Variants in RNF214 observed in about 807,000 individuals in gnomAD.
RNF214 encodes the protein ring finger protein 214.
In RNF214, 25 loss-of-function variants were observed where a neutral mutation model predicts 75.9. That is an observed-to-expected ratio of 0.33 (90% confidence interval 0.24 to 0.46). The LOEUF (loss-of-function observed/expected upper bound fraction) is 0.46. RNF214 is among the 20% of genes least tolerant of loss of function. The pLI, the probability that RNF214 is intolerant of heterozygous loss-of-function variation, is 1.00. For synonymous variants in RNF214, 314 were observed against 308.8 expected (o/e 1.02, Z -0.18); for missense variants, 725 against 857.5 (o/e 0.85, Z 1.93).
chr11:117,255,514 C>G (rs1442174862), intron 6 of RNF214, among the ~76,000 whole-genome samples: 1 of 151,744 alleles, frequency 6.6e-6, no homozygotes, highest in Non-Finnish European at 1.5e-5. Flanking sequence ...TGTTTTTATT[C>G]TTTAATTTTT....
intron 6 of RNF214, among the ~76,000 whole-genome samples, chr11:117,253,334 G>A (rs73010424): frequency 0.014 from 2,208 of 152,318 alleles, 28 homozygotes; most frequent in Middle Eastern, 0.054. Flanking sequence ...ATTTACCAAA[G>A]TGTAAAAGAT....
At chr11:117,248,481 A>T (rs2033287680) in intron 6 of RNF214, among the ~76,000 whole-genome samples, 1 of 152,198 alleles carries the variant, frequency 6.6e-6, no homozygotes, top group Non-Finnish European at 1.5e-5. Flanking sequence ...TTATCAAAAA[A>T]ATTTTGGCTT....
chr11:117,277,114 T>G (rs2034029774), intron 6 of RNF214, among the ~76,000 whole-genome samples: 1 of 151,962 alleles, frequency 6.6e-6, no homozygotes, highest in Non-Finnish European at 1.5e-5. Flanking sequence ...AGGCTGAGGC[T>G]GGTGGATCAC....
chr11:117,279,777 T>C (rs1281735775), intron 6 of RNF214, 131 bp from the exon 7 acceptor site: 3 of 587,426 alleles, frequency 5.1e-6, no homozygotes, highest in African/African-American at 1.9e-5. Context: ...AAAATAAGTA[T>C]AGTTAATACT....
chr11:117,250,454 A>G (rs1052087386), intron 6 of RNF214, among the ~76,000 whole-genome samples: 2 of 152,086 alleles, frequency 1.3e-5, no homozygotes, highest in African/African-American at 4.8e-5. Context: ...ACATTGTTTC[A>G]TTATGTAGAA....
At chr11:117,246,709 C>A in intron 5 of RNF214, 100 bp from the exon 6 acceptor site, 2 of 1,203,534 alleles carry the variant, frequency 1.7e-6, no homozygotes, top group South Asian at 4.5e-5. Context: ...TCACTAAAGT[C>A]AATACGTGAA....
At chr11:117,259,190 CAAGTGAGCTGCCTGCCTCGGCCTCCCA>C (rs1000065414) in intron 6 of RNF214, among the ~76,000 whole-genome samples, 2 of 152,180 alleles carry the variant, frequency 1.3e-5, no homozygotes, top group African/African-American at 4.8e-5. Flanking sequence ...CTCCTGACCT[CAAGTGAGCTGCCTGCCTCGGCCTCCCA>C]AAGTGCTGGG....
At chr11:117,267,964 G>C (rs1473138197) in intron 6 of RNF214, among the ~76,000 whole-genome samples, 1 of 152,156 alleles carries the variant, frequency 6.6e-6, no homozygotes, top group Non-Finnish European at 1.5e-5. Flanking sequence ...CATTAAATCA[G>C]ATGTGATGCA....
chr11:117,251,482 C>G (rs2033389216), intron 6 of RNF214, among the ~76,000 whole-genome samples: 12 of 93,906 alleles, frequency 1.3e-4, no homozygotes, highest in Admixed American at 3.1e-4. Flanking sequence ...GGGGGGCTGA[C>G]CCCCCCACCT....
At chr11:117,235,005 C>T (rs917451298) in intron 2 of RNF214, among the ~76,000 whole-genome samples, 1 of 152,130 alleles carries the variant, frequency 6.6e-6, no homozygotes, top group Non-Finnish European at 1.5e-5. Context: ...GTAGTATTTG[C>T]ATATAACCTA....
rs1399118120 is a variant in RNF214, at chr11:117,285,196, G to T, written c.*45G>T. Reference sequence around the variant, plus strand: ...AGAAGAAGAGAAACTGATGTGAACAGGAAGCGCGGGTTCAAGATTTCTAAA... The same window carrying T: ...AGAAGAAGAGAAACTGATGTGAACATGAAGCGCGGGTTCAAGATTTCTAAA... On this transcript the variant is annotated 3_prime_UTR_variant, in exon 15 of 15. Transcript: ENST00000300650. The T allele has an allele frequency of 7.6e-7, 1 of 1,309,994 alleles. No individual in the cohort carries two copies. Among genetic ancestry groups the T allele is most frequent in the Non-Finnish European group, 1.1e-6 (1 of 904,208 alleles). The allele number at this position is 1,309,994 out of a possible 1,614,324, so 81.1% of individuals were successfully genotyped here.
At chr11:117,258,391 G>A (rs1177229884) in intron 6 of RNF214, among the ~76,000 whole-genome samples, 2 of 151,970 alleles carry the variant, frequency 1.3e-5, no homozygotes, top group African/African-American at 4.8e-5. Context: ...TCGTTGAGAG[G>A]AGACACCACA....
chr11:117,262,177 C>T (rs1365011473), intron 6 of RNF214, among the ~76,000 whole-genome samples: 1 of 151,688 alleles, frequency 6.6e-6, no homozygotes, highest in Non-Finnish European at 1.5e-5. Flanking sequence ...AGCTCCGCCT[C>T]CCGGGTTCAC....
chr11:117,233,590 C>G (rs1439084475), intron 1 of RNF214, among the ~76,000 whole-genome samples: 1 of 152,206 alleles, frequency 6.6e-6, no homozygotes, highest in African/African-American at 2.4e-5. Flanking sequence ...GGCGTCCGTC[C>G]CAGTTCCCTT....
At chr11:117,258,131 G>A (rs752257402) in intron 6 of RNF214, among the ~76,000 whole-genome samples, 1 of 151,380 alleles carries the variant, frequency 6.6e-6, no homozygotes, top group Non-Finnish European at 1.5e-5. Context: ...CTGTCGCCAG[G>A]CTGGAGCGCT....
intron 4 of RNF214, among the ~76,000 whole-genome samples, chr11:117,244,156 A>G (rs1355497276): frequency 6.6e-6 from 1 of 151,484 alleles, no homozygotes; most frequent in Non-Finnish European, 1.5e-5. Flanking sequence ...TAATTTTTGT[A>G]TTTTTTTAGA....
chr11:117,236,790 A>T (rs1343879178), intron 2 of RNF214, among the ~76,000 whole-genome samples: 1 of 152,228 alleles, frequency 6.6e-6, no homozygotes. Context: ...GATAAATAAA[A>T]TCAACTTCAT....
chr11:117,282,049 C>G lies in RNF214; in HGVS notation c.1491C>G (p.Ser497Arg). 1 of 1,614,056 alleles carries G rather than the reference C, an allele frequency of 6.2e-7. No individual in the cohort carries two copies. Among genetic ancestry groups the G allele is most frequent in the East Asian group, 2.2e-5 (1 of 44,864 alleles). ...PILNPALSQPSQPSSPLPGSH... is the reference protein window; with the variant it reads ...PILNPALSQPRQPSSPLPGSH... Reference sequence around the variant, plus strand: ...TGAACCCTGCCCTTTCCCAGCCCAGCCAGCCTTCCTCACCCCTTCCTGGCT... The same window carrying G: ...TGAACCCTGCCCTTTCCCAGCCCAGGCAGCCTTCCTCACCCCTTCCTGGCT... Residue 497 changes from serine to arginine, a missense_variant, in exon 11 of 15, where the codon AGC becomes AGG. By Grantham distance (110) the Ser-to-Arg change is moderately radical. Transcript: ENST00000300650.
chr11:117,250,990 A>G (rs1157033703), intron 6 of RNF214, among the ~76,000 whole-genome samples: 1 of 146,934 alleles, frequency 6.8e-6, no homozygotes, highest in Admixed American at 6.8e-5. Flanking sequence ...ACAGAACAAA[A>G]TGAAAAGTCT....
Sources: gnomAD v4.1 joint callset for allele counts (sites outside exome capture counted in the v4.1 genomes callset) on GRCh38, gnomAD v4.1.1 for gene constraint, MANE v1.5 for transcripts, NCBI Gene and HGNC (gene_info 2026-07-23, HGNC 2026-07-21) for gene names.